Variants in CFAP74 observed in about 807,000 individuals in gnomAD.
CFAP74 encodes cilia and flagella associated protein 74.
A neutral mutation model predicts 188.9 loss-of-function variants in CFAP74; 124 were observed. The observed-to-expected ratio is 0.66, with a 90% CI of 0.57 to 0.76. The LOEUF is 0.76. Ranked by LOEUF, CFAP74 falls within the 30% of genes least tolerant of loss-of-function variation. The probability of loss-of-function intolerance (pLI) is 0.00; values close to 1 mark genes in which losing one functional copy is unlikely to be tolerated. For synonymous variants in CFAP74, 956 were observed against 916.7 expected (o/e 1.04, Z -0.77); for missense variants, 2,198 against 2,165.2 (o/e 1.02, Z -0.30).
chr1:1,968,763 C>T lies in CFAP74; in HGVS notation c.1117G>A (p.Glu373Lys), dbSNP rs776642755. ...ISRILKEEAE[E>K]EKRKKQHPPT... ...GGATGCTGTTTCTTCCTCTTTTCCT[C>T]CTCAGCCTCCTCTTTCAGAATCCGA... Residue 373 changes from glutamate to lysine, a missense_variant, in exon 11 of 39, where the codon GAG becomes AAG. By Grantham distance (56) the Glu-to-Lys change is moderately conservative. Transcript: ENST00000682832. The surrounding 1 kb of genome is among the most constrained non-coding windows in gnomAD (Gnocchi z 4.3). The T allele has an allele frequency of 3.5e-5, 57 of 1,614,016 alleles. No individual in the cohort carries two copies. The highest frequency in any genetic ancestry group is 4.4e-5 in the Non-Finnish European group (52 of 1,179,998).
chr1:1,956,766 G>A lies in CFAP74; in HGVS notation c.1870C>T (p.Leu624Phe). ...ACCACGTAGCTGCCGAAGTCAATGAGCTCCTTGTCGAGGGACAGCTGCCAG... is the reference window on the plus strand; with the variant it reads ...ACCACGTAGCTGCCGAAGTCAATGAACTCCTTGTCGAGGGACAGCTGCCAG... Reference protein sequence around the residue: ...KKCSLSLDKELIDFGSYVVGE... With the variant: ...KKCSLSLDKEFIDFGSYVVGE... Residue 624 changes from leucine (L) to phenylalanine (F), a missense_variant, in exon 17 of 39, where the codon CTC (leucine) becomes TTC (phenylalanine). Coordinates refer to ENST00000682832, the MANE Select transcript of CFAP74 (RefSeq NM_001304360.2). The A allele has an allele frequency of 1.9e-6, 3 of 1,613,104 alleles. No individual in the cohort carries two copies. Among genetic ancestry groups the A allele is most frequent in the Non-Finnish European group, 2.5e-6 (3 of 1,179,524 alleles).
Position 1,946,327 on chromosome 1 carries a change from T to C in CFAP74, c.2354A>G (p.Gln785Arg), listed in dbSNP as rs1223653139. 2.0e-6 allele frequency: 3 copies of C among 1,535,922 alleles called. No individual in the cohort carries two copies. Among genetic ancestry groups the C allele is most frequent in the African/African-American group, 2.7e-5 (2 of 73,046 alleles). ...ARFKVTFKNP[Q>R]CPTLHFRVVG... is the part of the protein sequence containing the mutation. ...AGCAGGAATACTCACCGTGGGGCAC[T>C]GGGGGTTCTTAAACGTGACTTTGAA... is the stretch of plus-strand genomic sequence containing the variant. Residue 785 changes from glutamine (Q) to arginine (R), a missense_variant, in exon 20 of 39, where the codon CAG becomes CGG. Gln to Arg is a conservative substitution (Grantham distance 43). Transcript: ENST00000682832.
intron 22 of CFAP74, among the ~76,000 whole-genome samples, chr1:1,941,687 C>T (rs758253928): frequency 3.3e-5 from 5 of 152,164 alleles, no homozygotes; most frequent in East Asian, 3.8e-4. Flanking sequence ...CACCTTATCC[C>T]GGCAGGTAGC....
chr1:1,959,969 G>A lies in CFAP74; in HGVS notation c.1756C>T (p.Pro586Ser). ...MSCEVLVTFK[P>S]MINKDLEGNI... ...AACGGGCCCCTCTGACTCACCATCG[G>A]CTTGAAGGTGACAAGCACTTCACAG... is the stretch of plus-strand genomic sequence containing the variant. Residue 586 changes from proline to serine, a missense_variant, in exon 15 of 39, where the codon CCG becomes TCG. Pro to Ser is a moderately conservative substitution (Grantham distance 74, BLOSUM62 -1). Transcript: ENST00000682832. 1 of 1,592,294 alleles carries A rather than the reference G, an allele frequency of 6.3e-7. No homozygotes were observed. The highest frequency in any genetic ancestry group is 8.5e-7 in the Non-Finnish European group (1 of 1,170,368).
chr1:1,924,545 T>C (rs765422960), intron 33 of CFAP74, 25 bp from the exon 34 acceptor site: 1 of 1,581,764 alleles, frequency 6.3e-7, no homozygotes, highest in South Asian at 1.1e-5. Context: ...CCGCGGTCAC[T>C]GCCCGCCAGC....
Position 1,941,552 on chromosome 1 carries a change from A to G in CFAP74, c.2615+476T>C, listed in dbSNP as rs553655556. On this transcript the variant is annotated intron_variant, in intron 22 of 38. Transcript: ENST00000682832. ...AGACACAGGTAAAGGAGCAAATGTC[A>G]GGTGTGCACTGAGCTTGAAACAGAA... Among the ~76,000 whole-genome samples, 3 of 152,338 alleles carry G rather than the reference A, an allele frequency of 2.0e-5. No homozygotes were observed. The South Asian group carries it at 6.2e-4, about 32-fold the overall frequency.
intron 6 of CFAP74, among the ~76,000 whole-genome samples, chr1:1,977,841 T>C (rs2102089011): frequency 6.6e-6 from 1 of 152,258 alleles, no homozygotes; most frequent in African/African-American, 2.4e-5. Flanking sequence ...GTTGGAAAGT[T>C]TGTTGTTGCT....
rs897323287 is a variant in CFAP74, at chr1:1,923,808, G to A, written c.4356C>T (p.Phe1452=). The change falls in exon 35 of 39, where the codon TTC becomes TTT. Residue 1452 remains phenylalanine (F), a synonymous_variant. Coordinates refer to ENST00000682832, the MANE Select transcript of CFAP74 (RefSeq NM_001304360.2). The surrounding 1 kb of genome is among the most constrained non-coding windows in gnomAD (Gnocchi z 6.3). The part of the protein sequence containing the change: ...TFSPDHESLY[F]SDKLQVVLFE... ...AGAGCACCACCTGGAGCTTGTCGGA[G>A]AAGTAGAGGCTTTCGTGGTCGGGGC... 6.2e-7 allele frequency: 1 copy of A among 1,613,548 alleles called. No homozygotes were observed. The highest frequency in any genetic ancestry group is 8.5e-7 in the Non-Finnish European group (1 of 1,179,872).
At chr1:1,998,495 A>G (rs1269702653) in intron 1 of CFAP74, among the ~76,000 whole-genome samples, 1 of 152,104 alleles carries the variant, frequency 6.6e-6, no homozygotes, top group Non-Finnish European at 1.5e-5. Flanking sequence ...TGAGGCAGGG[A>G]CGGGCACCTG....
intron 21 of CFAP74, 100 bp downstream of exon 21, chr1:1,944,231 G>A: frequency 1.4e-6 from 2 of 1,469,570 alleles, no homozygotes; most frequent in South Asian, 1.3e-5. Flanking sequence ...GTCACCCCGT[G>A]TGCGTGGACA....
chr1:1,961,919 A>G (rs527416035), intron 14 of CFAP74, among the ~76,000 whole-genome samples: 1 of 152,322 alleles, frequency 6.6e-6, no homozygotes, highest in East Asian at 1.9e-4. Context: ...AGGGGCCATC[A>G]GAGCCCACGC....
At chr1:1,967,242 T>G (rs1444195534) in intron 11 of CFAP74, among the ~76,000 whole-genome samples, 1 of 152,178 alleles carries the variant, frequency 6.6e-6, no homozygotes, top group Non-Finnish European at 1.5e-5. Flanking sequence ...GACGGAGCCT[T>G]GCCTATCTGC....
At chr1:1,927,533 T>A (rs1049781928) in intron 28 of CFAP74, 74 bp downstream of exon 28, 97 of 1,373,694 alleles carry the variant, frequency 7.1e-5, no homozygotes, top group Non-Finnish European at 8.3e-5. Context: ...GGGAGGGGAC[T>A]CTACAGGGGC....
chr1:1,974,513 TGAGG>T (rs1170218139), intron 6 of CFAP74, among the ~76,000 whole-genome samples: 1 of 152,200 alleles, frequency 6.6e-6, no homozygotes, highest in Non-Finnish European at 1.5e-5. Context: ...CTGCCCAGCC[TGAGG>T]AAGGCCTTCA....
Position 1,927,620 on chromosome 1 carries a change from C to G in CFAP74, c.3514G>C (p.Glu1172Gln). 1.3e-6 allele frequency: 2 copies of G among 1,549,876 alleles called. No homozygotes were observed. The highest frequency in any genetic ancestry group is 1.7e-6 in the Non-Finnish European group (2 of 1,146,738). The change falls in exon 28 of 39, where the codon GAG becomes CAG. Residue 1172 changes from glutamate to glutamine, a missense_variant. By Grantham distance (29) the Glu-to-Gln change is conservative. Transcript: ENST00000682832. ...VPHVLEMRKR[E>Q]LRPSSDEYQA... is the part of the protein sequence containing the mutation. ...TCCTGGACCCACCTGGGCCTCAGCT[C>G]CCGCTTCCGCATCTCCAGGACGTGG... is the stretch of plus-strand genomic sequence containing the variant.
intron 25 of CFAP74, 87 bp from the exon 26 acceptor site, chr1:1,930,423 A>G (rs1652282167): frequency 7.5e-7 from 1 of 1,338,082 alleles, no homozygotes; most frequent in Non-Finnish European, 9.9e-7. Context: ...GGTGGAGGAC[A>G]AGCCCCGGGG....
intron 22 of CFAP74, among the ~76,000 whole-genome samples, chr1:1,941,664 C>T (rs1266303308): frequency 6.6e-6 from 1 of 152,168 alleles, no homozygotes; most frequent in Non-Finnish European, 1.5e-5. Context: ...CAAGCCAGAG[C>T]CTTATCCTGG....
At chr1:1,951,465 T>C (rs182159753) in intron 18 of CFAP74, among the ~76,000 whole-genome samples, 1 of 152,352 alleles carries the variant, frequency 6.6e-6, no homozygotes, top group African/African-American at 2.4e-5. Context: ...CAGTTGACTA[T>C]AATTGTGTGT....
At chr1:2,001,779 TC>T (rs529735658) in intron 1 of CFAP74, among the ~76,000 whole-genome samples, 223 of 152,274 alleles carry the variant, frequency 1.5e-3, no homozygotes, top group African/African-American at 5.0e-3. Context: ...GGCCACGGTG[TC>T]ACCTCTGCGA....
Sources: allele counts gnomAD v4.1 joint callset (sites outside exome capture counted in the v4.1 genomes callset), GRCh38; gene constraint gnomAD v4.1.1; non-coding constraint Gnocchi (gnomAD v3.1); transcripts MANE v1.5; gene names NCBI Gene and HGNC (gene_info 2026-07-23, HGNC 2026-07-21).